Variants in RTCB observed in about 807,000 individuals in gnomAD.
RTCB encodes RNA 2',3'-cyclic phosphate and 5'-OH ligase.
RTCB carries 32 observed loss-of-function variants against 58.2 expected under a neutral mutation model. The observed-to-expected ratio is 0.55, with a 90% CI of 0.41 to 0.74. The LOEUF (loss-of-function observed/expected upper bound fraction) is 0.74, where lower values mean the gene tolerates loss of function less well. Ranked by LOEUF, RTCB falls within the 30% of genes least tolerant of loss-of-function variation. The pLI, the probability that RTCB is intolerant of heterozygous loss-of-function variation, is 0.00. For synonymous variants in RTCB, 247 were observed against 218.6 expected, an observed-to-expected ratio of 1.13 and a Z score of -1.15; for missense variants, 523 against 639.0, an observed-to-expected ratio of 0.82 and a Z score of 1.96.
At chr22:32,406,786 T>G in intron 3 of RTCB, 25 bp from the exon 4 acceptor site, 19 of 1,495,696 alleles carry the variant, frequency 1.3e-5, no homozygotes, top group African/African-American at 4.1e-5. Context: ...GAAAATGAAA[T>G]ACAAGTGTCT....
chr22:32,395,169 G>A lies in RTCB; in HGVS notation c.1036C>T (p.His346Tyr). Residue 346 changes from histidine (H) to tyrosine (Y), a missense_variant, in exon 9 of 12, where the codon CAT (histidine) becomes TAT (tyrosine). Coordinates refer to ENST00000216038, the MANE Select transcript of RTCB (RefSeq NM_014306.5). Reference sequence around the variant, plus strand: ...TTGTGAGAAACATCATAGATCACATGTAGGTCCAAGTCATCAGGGGTTGTG... The same window carrying A: ...TTGTGAGAAACATCATAGATCACATATAGGTCCAAGTCATCAGGGGTTGTG... ...FNTTPDDLDL[H>Y]VIYDVSHNIA... 1 of 1,614,226 alleles carries A rather than the reference G, an allele frequency of 6.2e-7. No individual in the cohort carries two copies. Among genetic ancestry groups the A allele is most frequent in the East Asian group, 2.2e-5 (1 of 44,894 alleles).
chr22:32,391,739 T>C (rs1268137605), intron 11 of RTCB, among the ~76,000 whole-genome samples: 1 of 152,222 alleles, frequency 6.6e-6, no homozygotes, highest in Non-Finnish European at 1.5e-5. Flanking sequence ...TGTCAGGGCA[T>C]TGAGTTTTTG....
At chr22:32,399,523 G>A in intron 6 of RTCB, 80 bp downstream of exon 6, 7 of 1,319,528 alleles carry the variant, frequency 5.3e-6, no homozygotes, top group Non-Finnish European at 7.3e-6. Context: ...TTTGCTAAAT[G>A]TAAGATATAG....
Position 32,401,849 on chromosome 22 carries a change from T to C in RTCB, c.395A>G (p.Asp132Gly). Reference protein sequence around the residue: ...CGVRLLRTNLDESDVQPVKEQ... With the variant: ...CGVRLLRTNLGESDVQPVKEQ... ...CTTCACAGGCTGGACATCACTTTCA[T>C]CTAAATTGGTTCTTAGCAAGCGGAC... The change falls in exon 5 of 12, where the codon GAT becomes GGT. Residue 132 changes from aspartate to glycine, a missense_variant. By Grantham distance (94) the Asp-to-Gly change is moderately conservative. Around this residue, in one of 3 missense-constraint regions of RTCB, gnomAD observed 141 missense variants for 216.7 expected, o/e 0.65. Coordinates refer to ENST00000216038, the MANE Select transcript of RTCB (RefSeq NM_014306.5). The C allele has an allele frequency of 2.5e-6, 4 of 1,614,134 alleles. No individual in the cohort carries two copies. The highest frequency in any genetic ancestry group is 3.4e-6 in the Non-Finnish European group (4 of 1,179,986).
chr22:32,407,907 T>C, intron 3 of RTCB: 5 of 413,086 alleles, frequency 1.2e-5, no homozygotes, highest in African/African-American at 2.0e-5. Flanking sequence ...ACAACAAGCA[T>C]GTGACATCAC....
intron 11 of RTCB, 60 bp downstream of exon 11, chr22:32,392,180 T>C (rs998265787): frequency 3.9e-6 from 6 of 1,556,754 alleles, no homozygotes; most frequent in African/African-American, 2.7e-5. Flanking sequence ...CTCTGTAGAC[T>C]GGAACAAATT....
At chr22:32,396,010 T>G in intron 8 of RTCB, 64 bp downstream of exon 8, 1 of 1,547,278 alleles carries the variant, frequency 6.5e-7, no homozygotes, top group Non-Finnish European at 8.9e-7. Flanking sequence ...TGGACTGCAC[T>G]ATGTTTTAAA....
At position 32,395,017 on chromosome 22, in the gene RTCB, G is replaced by T. The variant is rs746738099; in HGVS notation, c.1179+9C>A. The T allele has an allele frequency of 1.2e-6, 2 of 1,608,494 alleles. No homozygotes were observed. The highest frequency in any genetic ancestry group is 1.7e-6 in the Non-Finnish European group (2 of 1,175,606). On this transcript the variant is annotated intron_variant, in intron 9 of 11. Coordinates refer to ENST00000216038, the MANE Select transcript of RTCB (RefSeq NM_014306.5). Reference sequence around the variant, plus strand: ...CACTGCTTAAAACTACAAACGTAGAGCTACGTACTTGGTAATCAACAGCAA... The same window carrying T: ...CACTGCTTAAAACTACAAACGTAGATCTACGTACTTGGTAATCAACAGCAA...
chr22:32,410,922 G>T (rs950283490), intron 1 of RTCB, among the ~76,000 whole-genome samples: 19 of 152,110 alleles, frequency 1.2e-4, no homozygotes, highest in Non-Finnish European at 1.5e-5. Context: ...TGCCCAGGCA[G>T]GTCTCCAAAG....
chr22:32,399,215 C>T (rs1933293834), intron 6 of RTCB, among the ~76,000 whole-genome samples: 1 of 152,160 alleles, frequency 6.6e-6, no homozygotes, highest in African/African-American at 2.4e-5. Context: ...CAGCTCACTG[C>T]AGCCTCAAAC....
At chr22:32,388,168 A>G in intron 11 of RTCB, 69 bp from the exon 12 acceptor site, 1 of 920,570 alleles carries the variant, frequency 1.1e-6, no homozygotes, top group African/African-American at 1.6e-5. Flanking sequence ...ACCAAACTTC[A>G]CTTGTGATGA....
intron 1 of RTCB, 26 bp downstream of exon 1, chr22:32,412,038 C>T (rs532406286): frequency 1.3e-6 from 2 of 1,577,208 alleles, no homozygotes; most frequent in East Asian, 4.5e-5. Flanking sequence ...GCACGGAAGG[C>T]CCCGCCATTT....
intron 9 of RTCB, among the ~76,000 whole-genome samples, chr22:32,394,255 G>A (rs62239343): frequency 0.036 from 5,454 of 152,102 alleles, 129 homozygotes; most frequent in South Asian, 0.077. Flanking sequence ...GGGACCACAG[G>A]CGCCTGCTGC....
intron 5 of RTCB, among the ~76,000 whole-genome samples, chr22:32,400,171 C>T (rs1933312342): frequency 6.6e-6 from 1 of 152,188 alleles, no homozygotes; most frequent in Non-Finnish European, 1.5e-5. Context: ...CTAATTCAAC[C>T]AGGTACACAC....
chr22:32,397,349 G>C (rs558050628), intron 7 of RTCB, among the ~76,000 whole-genome samples: 1 of 152,296 alleles, frequency 6.6e-6, no homozygotes, highest in South Asian at 2.1e-4. Flanking sequence ...CAAACTGTGA[G>C]ATCCAGCTCA....
chr22:32,399,918 T>A (rs996492958), intron 5 of RTCB, 159 bp from the exon 6 acceptor site: 6 of 550,744 alleles, frequency 1.1e-5, no homozygotes, highest in Non-Finnish European at 1.9e-5. Flanking sequence ...AGTAACTGGT[T>A]TTTTGAGGAA....
intron 4 of RTCB, among the ~76,000 whole-genome samples, chr22:32,402,594 C>T (rs777615554): frequency 2.0e-5 from 3 of 149,748 alleles, no homozygotes; most frequent in Non-Finnish European, 3.0e-5. Flanking sequence ...AGATTACAGG[C>T]GTGCGCCACC....
chr22:32,406,616 C>A lies in RTCB; in HGVS notation c.340+46G>T. The A allele has an allele frequency of 2.9e-6, 4 of 1,388,750 alleles. No individual in the cohort carries two copies. In the South Asian group the frequency reaches 3.5e-5, roughly 12 times the overall value. The allele number at this position is 1,388,750 out of a possible 1,614,324, so 86.0% of individuals were successfully genotyped here. On this transcript the variant is annotated intron_variant, in intron 4 of 11. Transcript: ENST00000216038. ...GATTACAGACGTGAGCCACCGTGCC[C>A]GGCCAATGCTACACACTTAACAGCA...
chr22:32,397,652 A>G (rs1037566968), intron 7 of RTCB, among the ~76,000 whole-genome samples: 1 of 152,246 alleles, frequency 6.6e-6, no homozygotes, highest in African/African-American at 2.4e-5. Context: ...ATAGTAACTC[A>G]TAAGAGTAAA....
Sources: allele counts gnomAD v4.1 joint callset (sites outside exome capture counted in the v4.1 genomes callset), GRCh38; gene constraint gnomAD v4.1.1; regional missense constraint gnomAD v4.1.1; transcripts MANE v1.5; gene names NCBI Gene and HGNC (gene_info 2026-07-23, HGNC 2026-07-21).